The following DACT1 variants were observed in gnomAD, a reference collection of about 807,000 sequenced individuals.
DACT1 encodes dishevelled binding antagonist of beta catenin 1, also known as dapper homolog 1.
DACT1 carries 19 observed loss-of-function variants against 35.3 expected under a neutral mutation model. The observed-to-expected ratio is 0.54, with a 90% CI of 0.38 to 0.79. DACT1 has a LOEUF of 0.79. DACT1 is among the 30% of genes least tolerant of loss of function. The pLI is 0.00. For missense variants in DACT1, 1,143 were observed against 1,057.5 expected (o/e 1.08, Z -1.12); for synonymous variants, 545 against 466.7 (o/e 1.17, Z -2.16).
rs201729366 is a variant in DACT1, at chr14:58,641,695, C to T, written c.582C>T (p.Cys194=). The T allele has an allele frequency of 3.7e-6, 6 of 1,614,070 alleles. No individual in the cohort carries two copies. Among genetic ancestry groups the T allele is most frequent in the African/African-American group, 1.3e-5 (1 of 74,932 alleles). Residue 194 remains cysteine (C), a synonymous_variant, in exon 3 of 4, where the codon TGC becomes TGT. Transcript: ENST00000395153. ...LSSCHSSTCF[C]SPLEATLSLS... Reference sequence around the variant, plus strand: ...GTTGTCATTCCAGCACCTGCTTTTGCAGCCCCTTGGAGGCGACCTTGAGTC... The same window carrying T: ...GTTGTCATTCCAGCACCTGCTTTTGTAGCCCCTTGGAGGCGACCTTGAGTC...
At chr14:58,635,112 T>C (rs2047565510), upstream of DACT1, among the ~76,000 whole-genome samples, 1 of 151,738 alleles carries the variant, frequency 6.6e-6, no homozygotes, top group South Asian at 2.1e-4. Context: ...AAGGAGATAA[T>C]GAAATAGCAC....
In DACT1 at chr14:58,641,689, C is replaced by A; in HGVS notation, c.576C>A (p.Cys192Ter). Reference protein sequence around the residue: ...ECLSSCHSSTCFCSPLEATLS... With the variant: ...ECLSSCHSST ...TATCCAGTTGTCATTCCAGCACCTG[C>A]TTTTGCAGCCCCTTGGAGGCGACCT... The change falls in exon 3 of 4, where the codon TGC becomes TGA. Residue 192 changes from cysteine (C) to a stop codon, truncating the protein, a stop_gained. Transcript: ENST00000395153. LOFTEE classifies it high-confidence loss of function. The A allele has an allele frequency of 6.2e-7, 1 of 1,614,202 alleles. No individual in the cohort carries two copies. The highest frequency in any genetic ancestry group is 1.1e-5 in the South Asian group (1 of 91,088).
At position 58,645,794 on chromosome 14, in the gene DACT1, A is replaced by G; in HGVS notation, c.1060A>G (p.Asn354Asp). The G allele has an allele frequency of 6.2e-7, 1 of 1,614,274 alleles. No homozygotes were observed. Reference sequence around the variant, plus strand: ...CGGTGTCTCACAGGGCAACAGTGTGAACCTTAAGAATTCGAAACAGGCGTG... The same window carrying G: ...CGGTGTCTCACAGGGCAACAGTGTGGACCTTAAGAATTCGAAACAGGCGTG... ...PGGVSQGNSV[N>D]LKNSKQACLP... Residue 354 changes from asparagine (N) to aspartate (D), a missense_variant, in exon 4 of 4, where the codon AAC becomes GAC. By Grantham distance (23) the Asn-to-Asp change is conservative. Transcript: ENST00000395153.
intron 3 of DACT1, among the ~76,000 whole-genome samples, chr14:58,643,433 C>CAAACA (rs2047645835): frequency 6.6e-6 from 1 of 152,194 alleles, no homozygotes; most frequent in African/African-American, 2.4e-5. Flanking sequence ...CCAGGCAAGG[C>CAAACA]AAACAACACT....
At chr14:58,636,704 CTT>C (rs762780678), upstream of DACT1, among the ~76,000 whole-genome samples, 5 of 152,126 alleles carry the variant, frequency 3.3e-5, no homozygotes, top group Non-Finnish European at 5.9e-5. Flanking sequence ...TCACACAACA[CTT>C]TGCCTGAACT....
In DACT1 at chr14:58,647,130, T is replaced by C; in HGVS notation, c.2396T>C (p.Val799Ala). 1 of 1,613,488 alleles carries C rather than the reference T, an allele frequency of 6.2e-7. No individual in the cohort carries two copies. The highest frequency in any genetic ancestry group is 8.5e-7 in the Non-Finnish European group (1 of 1,179,870). ...RSGSLKLMTTV is the reference protein window; with the variant it reads ...RSGSLKLMTTA Reference sequence around the variant, plus strand: ...GGCTCTTTGAAACTGATGACGACGGTTTGAGTGACATCATTGGTGTAGAAA... The same window carrying C: ...GGCTCTTTGAAACTGATGACGACGGCTTGAGTGACATCATTGGTGTAGAAA... Residue 799 changes from valine (V) to alanine (A), a missense_variant, in exon 4 of 4, where the codon GTT becomes GCT. By Grantham distance (64) the Val-to-Ala change is moderately conservative. This residue lies in a region of DACT1 where 1,054 missense variants were observed against 958.8 expected (regional missense o/e 1.10). Coordinates refer to ENST00000395153, the MANE Select transcript of DACT1 (RefSeq NM_001079520.2).
chr14:58,646,682 T>C lies in DACT1; in HGVS notation c.1948T>C (p.Tyr650His), dbSNP rs143444064. ...GTGGAAGTCCTCGGCCGAGATTTCC[T>C]ACGAAGAGGCCCTGAGGAGGGCCCG... ...RRWKSSAEIS[Y>H]EEALRRARRG... The change falls in exon 4 of 4, where the codon TAC becomes CAC. Residue 650 changes from tyrosine (Y) to histidine (H), a missense_variant. Transcript: ENST00000395153. 9.5e-5 allele frequency: 154 copies of C among 1,612,790 alleles called. No homozygotes were observed. The African/African-American group carries it at 2.0e-3, about 21-fold the overall frequency.
intron 3 of DACT1, among the ~76,000 whole-genome samples, chr14:58,643,109 G>A (rs1187565438): frequency 6.6e-6 from 1 of 152,226 alleles, no homozygotes; most frequent in Non-Finnish European, 1.5e-5. Context: ...AGAGGCAGAA[G>A]TTAAGCTCAG....
chr14:58,637,479 G>C (rs1198385496), upstream of DACT1, among the ~76,000 whole-genome samples: 2 of 152,270 alleles, frequency 1.3e-5, no homozygotes, highest in Non-Finnish European at 1.5e-5. Context: ...CCTTGCTTGG[G>C]AAGTGAAAGA....
In DACT1 at chr14:58,647,315, G is replaced by A. The variant is rs1168357967; in HGVS notation, c.*181G>A. ...ATGGATGCTAGTGCCTTTAATGGAA[G>A]GTAAAGAATGTTTTGCTAGTTAGAA... is the stretch of plus-strand genomic sequence containing the variant. On this transcript the variant is annotated 3_prime_UTR_variant, in exon 4 of 4. Transcript: ENST00000395153. The A allele has an allele frequency of 1.4e-6, 1 of 711,378 alleles. No individual in the cohort carries two copies. The highest frequency in any genetic ancestry group is 2.3e-6 in the Non-Finnish European group (1 of 436,886). 44.1% of individuals were successfully genotyped at this position (711,378 alleles called of 1,614,324 possible).
chr14:58,645,770 G>T lies in DACT1; in HGVS notation c.1036G>T (p.Gly346Cys). The change falls in exon 4 of 4, where the codon GGT (glycine) becomes TGT (cysteine). Residue 346 changes from glycine (G) to cysteine (C), a missense_variant. Physicochemically the swap from Gly to Cys is radical, Grantham distance 159. Around this residue, in one of 3 missense-constraint regions of DACT1, gnomAD observed 1,054 missense variants for 958.8 expected, o/e 1.10. Coordinates refer to ENST00000395153, the MANE Select transcript of DACT1 (RefSeq NM_001079520.2). ...GAGCGTTTGTGTCAGAGCCCCGGGC[G>T]GTGTCTCACAGGGCAACAGTGTGAA... ...NGSVCVRAPG[G>C]VSQGNSVNLK... The T allele has an allele frequency of 6.2e-7, 1 of 1,614,244 alleles. No individual in the cohort carries two copies. The highest frequency in any genetic ancestry group is 8.5e-7 in the Non-Finnish European group (1 of 1,180,048).
At position 58,638,359 on chromosome 14, in the gene DACT1, G is replaced by C; in HGVS notation, c.157G>C (p.Ala53Pro). 1 of 1,306,392 alleles carries C rather than the reference G, an allele frequency of 7.7e-7. No individual in the cohort carries two copies. The highest frequency in any genetic ancestry group is 3.1e-5 in the East Asian group (1 of 32,024). The allele number at this position is 1,306,392 out of a possible 1,614,324, so 80.9% of individuals were successfully genotyped here. The change falls in exon 1 of 4, where the codon GCC (alanine) becomes CCC (proline). Residue 53 changes from alanine to proline, a missense_variant. Ala to Pro is a conservative substitution (Grantham distance 27). Transcript: ENST00000395153. The part of the protein sequence containing the change: ...RTRERQEATL[A>P]GLAELEYLRQ... The stretch of plus-strand genomic sequence containing the variant: ...CCGGGAGCGGCAGGAGGCCACGCTG[G>C]CCGGGCTGGCGGAGCTGGAGTACCT...
At chr14:58,637,112 GC>G (rs1276880690), upstream of DACT1, among the ~76,000 whole-genome samples, 1 of 152,244 alleles carries the variant, frequency 6.6e-6, no homozygotes, top group African/African-American at 2.4e-5. Context: ...GGAGTAAGTT[GC>G]CCGCACAGCT....
intron 3 of DACT1, among the ~76,000 whole-genome samples, chr14:58,643,304 A>G (rs1463172269): frequency 6.6e-6 from 1 of 152,208 alleles, no homozygotes; most frequent in Non-Finnish European, 1.5e-5. Context: ...TTACATTGTG[A>G]ATTCTTATAA....
At chr14:58,636,271 A>T (rs1472733732), upstream of DACT1, among the ~76,000 whole-genome samples, 1 of 152,182 alleles carries the variant, frequency 6.6e-6, no homozygotes, top group Non-Finnish European at 1.5e-5. Flanking sequence ...TGTAGTAGAG[A>T]TTAAATGGGT....
Position 58,645,664 on chromosome 14 carries a change from G to A in DACT1, c.930G>A (p.Gln310=). 1 of 1,614,102 alleles carries A rather than the reference G, an allele frequency of 6.2e-7. No individual in the cohort carries two copies. The highest frequency in any genetic ancestry group is 1.1e-5 in the South Asian group (1 of 91,086). ...KMDGYILSLV[Q]KKTHPVRTNK... Reference sequence around the variant, plus strand: ...ATGGCTACATTCTGAGCCTGGTCCAGAAAAAAACACACCCTGTAAGGACCA... The same window carrying A: ...ATGGCTACATTCTGAGCCTGGTCCAAAAAAAAACACACCCTGTAAGGACCA... Residue 310 remains glutamine (Q), a synonymous_variant, in exon 4 of 4, where the codon CAG becomes CAA. Coordinates refer to ENST00000395153, the MANE Select transcript of DACT1 (RefSeq NM_001079520.2).
intron 1 of DACT1, 31 bp from the exon 2 acceptor site, chr14:58,640,705 G>A (rs1317145500): frequency 1.2e-6 from 2 of 1,613,240 alleles, no homozygotes; most frequent in Non-Finnish European, 1.7e-6. Flanking sequence ...ACCCCTGTAT[G>A]TTCATGTTTC....
At chr14:58,643,738 C>T (rs1321353919) in intron 3 of DACT1, among the ~76,000 whole-genome samples, 1 of 152,170 alleles carries the variant, frequency 6.6e-6, no homozygotes, top group Non-Finnish European at 1.5e-5. Flanking sequence ...TTTTGTTCAA[C>T]TCTAAAGAGG....
chr14:58,644,521 A>G (rs964228880), intron 3 of DACT1, among the ~76,000 whole-genome samples: 3 of 152,208 alleles, frequency 2.0e-5, no homozygotes, highest in Non-Finnish European at 4.4e-5. Flanking sequence ...GTGAGCCATC[A>G]TACCTGGCCC....
Sources: gnomAD v4.1 joint callset for allele counts (sites outside exome capture counted in the v4.1 genomes callset) on GRCh38, gnomAD v4.1.1 for gene constraint, gnomAD v4.1.1 regional missense constraint, MANE v1.5 for transcripts, NCBI Gene and HGNC (gene_info 2026-07-23, HGNC 2026-07-21) for gene names.